Variants in VAV2 observed in about 807,000 individuals in gnomAD.
VAV2 encodes vav guanine nucleotide exchange factor 2.
Under a neutral mutation model 132.5 loss-of-function variants are expected in VAV2, and 67 were observed. The observed-to-expected ratio is 0.51, with a 90% CI of 0.42 to 0.62. VAV2 has a LOEUF of 0.62. Among genes scored for constraint, VAV2 ranks in the 20% least tolerant of loss-of-function variants. The pLI is 0.00. For missense variants in VAV2, 938 were observed against 1,153.6 expected, an observed-to-expected ratio of 0.81 and a Z score of 2.71; for synonymous variants, 492 against 443.5, an observed-to-expected ratio of 1.11 and a Z score of -1.37.
At chr9:133,878,675 G>A (rs1266662561) in intron 2 of VAV2, among the ~76,000 whole-genome samples, 4 of 152,198 alleles carry the variant, frequency 2.6e-5, no homozygotes, top group Admixed American at 1.3e-4. Flanking sequence ...CCTGCCGCCC[G>A]TCTCAGGAGG....
chr9:133,933,139 C>T (rs1327351902), intron 2 of VAV2, among the ~76,000 whole-genome samples: 1 of 152,258 alleles, frequency 6.6e-6, no homozygotes, highest in East Asian at 1.9e-4. Flanking sequence ...GTCCCTTTAA[C>T]ACGTGGAATG....
Position 133,857,476 on chromosome 9 carries a change from G to A in VAV2, c.380+3898C>T, listed in dbSNP as rs184104457. Among the ~76,000 whole-genome samples the A allele has an allele frequency of 7.1e-4, 108 of 152,324 alleles. 2 individuals are homozygous for A. Among genetic ancestry groups the A allele is most frequent in the African/African-American group, 2.4e-3 (100 of 41,562 alleles). ...GGGTTGTGAAAATGATTTTTTGAAG[G>A]AGCACGTTGGGCTCCTACCCAGCCA... On this transcript the variant is annotated intron_variant, in intron 3 of 29. Transcript: ENST00000371850. The surrounding 1 kb of genome is among the most constrained non-coding windows in gnomAD (Gnocchi z 4.0).
rs1049914182 is a variant in VAV2, at chr9:133,804,825, C to A, written c.836+1256G>T. On this transcript the variant is annotated intron_variant, in intron 9 of 29. Coordinates refer to ENST00000371850, the MANE Select transcript of VAV2 (RefSeq NM_001134398.2). This position sits in a 1 kb window ranked among gnomAD's most constrained non-coding sequence, Gnocchi z 4.5. Reference sequence around the variant, plus strand: ...TCCCCCGATCCCTGCCCACTCTTAACCCTCTGGGGCTGGCCAGTGTGCTCA... The same window carrying A: ...TCCCCCGATCCCTGCCCACTCTTAAACCTCTGGGGCTGGCCAGTGTGCTCA... 9.8e-5 allele frequency among the ~76,000 whole-genome samples: 15 copies of A among 152,320 alleles called. No individual in the cohort carries two copies. In the South Asian group the frequency reaches 3.1e-3, roughly 32 times the overall value.
intron 1 of VAV2, among the ~76,000 whole-genome samples, chr9:133,981,691 G>A (rs1842698889): frequency 6.6e-6 from 1 of 152,212 alleles, no homozygotes; most frequent in East Asian, 1.9e-4. Context: ...CGAGGGACAC[G>A]GCCACCAAGA....
chr9:133,878,814 G>A (rs1323382288), intron 2 of VAV2, among the ~76,000 whole-genome samples: 1 of 152,202 alleles, frequency 6.6e-6, no homozygotes, highest in East Asian at 1.9e-4. Context: ...GGGCAGTGGG[G>A]GCAGGGGCCA....
Position 133,794,694 on chromosome 9 carries a change from G to A in VAV2, c.1101+974C>T, listed in dbSNP as rs1486356018. Among the ~76,000 whole-genome samples, 3 of 152,302 alleles carry A rather than the reference G, an allele frequency of 2.0e-5. No homozygotes were observed. Among genetic ancestry groups the A allele is most frequent in the Admixed American group, 6.5e-5 (1 of 15,312 alleles). On this transcript the variant is annotated intron_variant, in intron 12 of 29. Coordinates refer to ENST00000371850, the MANE Select transcript of VAV2 (RefSeq NM_001134398.2). This position sits in a 1 kb window ranked among gnomAD's most constrained non-coding sequence, Gnocchi z 4.6. Reference sequence around the variant, plus strand: ...GGCAGAGGTGTCCTGTGCTCCCGACGAGGGAGATGTGGGGGGGGTCGTCAT... The same window carrying A: ...GGCAGAGGTGTCCTGTGCTCCCGACAAGGGAGATGTGGGGGGGGTCGTCAT...
At chr9:133,911,334 G>A (rs750955348) in intron 2 of VAV2, among the ~76,000 whole-genome samples, 15 of 152,172 alleles carry the variant, frequency 9.9e-5, no homozygotes, top group Non-Finnish European at 1.3e-4. Context: ...TGCCTGGGCC[G>A]CCAGCCACAC....
At chr9:133,842,453 G>A (rs939891749) in intron 3 of VAV2, among the ~76,000 whole-genome samples, 3 of 152,242 alleles carry the variant, frequency 2.0e-5, no homozygotes, top group African/African-American at 7.2e-5. Context: ...CTCGGCCTCT[G>A]AGGCCAGGTG....
At chr9:133,819,771 G>T in intron 4 of VAV2, among the ~76,000 whole-genome samples, 1 of 152,250 alleles carries the variant, frequency 6.6e-6, no homozygotes, top group Non-Finnish European at 1.5e-5. Flanking sequence ...AATGAACACT[G>T]GGAGAGATGG....
chr9:133,895,242 G>A (rs926268063), intron 2 of VAV2, among the ~76,000 whole-genome samples: 2 of 151,904 alleles, frequency 1.3e-5, no homozygotes, highest in Non-Finnish European at 2.9e-5. Flanking sequence ...AAAGGTGACC[G>A]CAGGAGAATT....
chr9:133,949,107 C>A (rs1330999977), intron 1 of VAV2, among the ~76,000 whole-genome samples: 2 of 152,198 alleles, frequency 1.3e-5, no homozygotes, highest in East Asian at 3.9e-4. Context: ...TTACGCTGGG[C>A]CCTCCTGCTT....
intron 3 of VAV2, among the ~76,000 whole-genome samples, chr9:133,850,135 C>T (rs935816391): frequency 2.0e-5 from 3 of 152,198 alleles, no homozygotes; most frequent in South Asian, 2.1e-4. Context: ...CCATCAGGCC[C>T]ACATGGGCCT....
Position 133,925,063 on chromosome 9 carries a change from G to A in VAV2, c.321+14040C>T, listed in dbSNP as rs1473341068. Among the ~76,000 whole-genome samples the A allele has an allele frequency of 2.0e-5, 3 of 152,240 alleles. No homozygotes were observed. The South Asian group carries it at 6.2e-4, about 31-fold the overall frequency. On this transcript the variant is annotated intron_variant, in intron 2 of 29. Coordinates refer to ENST00000371850, the MANE Select transcript of VAV2 (RefSeq NM_001134398.2). Reference sequence around the variant, plus strand: ...CATTAGTAGTTACCAGGAACTGGTGGATGGGGCAAGAGGAAATGGGATTTT... The same window carrying A: ...CATTAGTAGTTACCAGGAACTGGTGAATGGGGCAAGAGGAAATGGGATTTT...
intron 1 of VAV2, among the ~76,000 whole-genome samples, chr9:133,955,011 G>A (rs1358017819): frequency 1.3e-5 from 2 of 152,132 alleles, no homozygotes; most frequent in South Asian, 2.1e-4. Context: ...AGTGCACTGA[G>A]GTGAGGAAAA....
rs1345746839 is a variant in VAV2 at position 133,940,666 on chromosome 9, CACGTGCGTGT to C, written c.205-1457_205-1448del. ...TTTTATCCTAGAGTCCCTCTCTGTC[CACGTGCGTGT>C]GTGTGTGTGTGTGTGTGTGTGTGTG... On this transcript the variant is annotated intron_variant, in intron 1 of 29. Coordinates refer to ENST00000371850, the MANE Select transcript of VAV2 (RefSeq NM_001134398.2). 3.4e-4 allele frequency among the ~76,000 whole-genome samples: 28 copies of C among 82,878 alleles called. 2 individuals are homozygous for C. In the East Asian group the frequency reaches 0.011, roughly 34 times the overall value. The allele number at this position is 82,878 out of a possible 152,430, so 54.4% of individuals were successfully genotyped here.
chr9:133,871,588 G>C (rs971844382), intron 2 of VAV2, among the ~76,000 whole-genome samples: 5 of 152,050 alleles, frequency 3.3e-5, no homozygotes, highest in African/African-American at 9.7e-5. Context: ...GGAGAGAAGA[G>C]AGAGAAGATG....
intron 1 of VAV2, among the ~76,000 whole-genome samples, chr9:133,957,197 A>C (rs756776): frequency 0.017 from 2,616 of 152,266 alleles, 82 homozygotes; most frequent in African/African-American, 0.059. Flanking sequence ...CCCCTGTACC[A>C]GCTGCTGCAG....
In VAV2 at chr9:133,992,127, G is replaced by T. The variant is rs1160242481; in HGVS notation, c.152C>A (p.Ser51Tyr). The change falls in exon 1 of 30, where the codon TCC (serine) becomes TAC (tyrosine). Residue 51 changes from serine (S) to tyrosine (Y), a missense_variant. By Grantham distance (144) the Ser-to-Tyr change is moderately radical (BLOSUM62 -2). Transcript: ENST00000371850. The surrounding 1 kb of genome is among the most constrained non-coding windows in gnomAD (Gnocchi z 5.5). ...GTCCTTGAGGTCGATGGAGCCGGGG[G>T]AGAGGTTGTGCAGCAGCTGGCACAG... ...VLLCQLLHNL[S>Y]PGSIDLKDIN... is the part of the protein sequence containing the mutation. The T allele has an allele frequency of 6.3e-7, 1 of 1,594,584 alleles. No homozygotes were observed. The highest frequency in any genetic ancestry group is 8.5e-7 in the Non-Finnish European group (1 of 1,171,194).
At chr9:133,874,402 G>A (rs1394832790) in intron 2 of VAV2, among the ~76,000 whole-genome samples, 15 of 150,600 alleles carry the variant, frequency 1.0e-4, no homozygotes, top group East Asian at 1.9e-4. Flanking sequence ...AGGAAAAAGC[G>A]GGGATAAAGG....
Sources: gnomAD v4.1 joint callset for allele counts (sites outside exome capture counted in the v4.1 genomes callset) on GRCh38, gnomAD v4.1.1 for gene constraint, Gnocchi (gnomAD v3.1) non-coding constraint, MANE v1.5 for transcripts, NCBI Gene and HGNC (gene_info 2026-07-23, HGNC 2026-07-21) for gene names.